The following ZMYND11 variants were observed in gnomAD, a reference collection of about 807,000 sequenced individuals.
The protein encoded by ZMYND11 is zinc finger MYND domain-containing protein 11.
In ZMYND11, 9 loss-of-function variants were observed where a neutral mutation model predicts 84.9. The ratio of observed to expected loss-of-function variants is 0.11; its 90% CI spans 0.06 to 0.18. The LOEUF (loss-of-function observed/expected upper bound fraction) is 0.18, where lower values mean the gene tolerates loss of function less well. ZMYND11 is among the 10% of genes least tolerant of loss of function. ZMYND11 has a pLI of 1.00. For synonymous variants in ZMYND11, 250 were observed against 244.1 expected (o/e 1.02, Z -0.23); for missense variants, 409 against 761.0 (o/e 0.54, Z 5.44).
intron 2 of ZMYND11, among the ~76,000 whole-genome samples, chr10:207,476 T>TTC (rs1421906220): frequency 2.6e-5 from 4 of 152,208 alleles, no homozygotes; most frequent in African/African-American, 9.7e-5. Flanking sequence ...GTGTTCCTGT[T>TTC]TCTCCACATC....
intron 2 of ZMYND11, among the ~76,000 whole-genome samples, chr10:185,499 A>C (rs1230561311): frequency 2.0e-5 from 3 of 148,968 alleles, no homozygotes; most frequent in Non-Finnish European, 4.5e-5. Context: ...TCTTTAAAAA[A>C]AAAAAAAAAA....
intron 1 of ZMYND11, among the ~76,000 whole-genome samples, chr10:162,336 A>ATT (rs1843108263): frequency 6.6e-6 from 1 of 152,216 alleles, no homozygotes; most frequent in Non-Finnish European, 1.5e-5. Flanking sequence ...GAAAAGTCTG[A>ATT]AATATTGTGA....
chr10:234,982 A>ATGTGTGTG (rs60483060), intron 4 of ZMYND11, among the ~76,000 whole-genome samples: 4,759 of 148,938 alleles, frequency 0.032, 78 homozygotes, highest in Non-Finnish European at 0.047. Flanking sequence ...TATTTCGCAA[A>ATGTGTGTG]TGTGTGTGTG....
Position 241,024 on chromosome 10 carries a change from T to C in ZMYND11, c.831+54T>C, listed in dbSNP as rs557552381. On this transcript the variant is annotated intron_variant, in intron 9 of 14. Coordinates refer to ENST00000381604, the MANE Select transcript of ZMYND11 (RefSeq NM_001370100.5). ...AACATACAGCTCTAAGGAAGTTTAT[T>C]TCCAGTTTGGTTAAAGATTATAATT... is the stretch of plus-strand genomic sequence containing the variant. The C allele has an allele frequency of 3.2e-5, 45 of 1,400,532 alleles. 1 individual carries two copies. The South Asian group carries it at 5.3e-4, about 16-fold the overall frequency. The allele number at this position is 1,400,532 out of a possible 1,614,324, so 86.8% of individuals were successfully genotyped here. A position where few individuals can be genotyped will look rare whatever the true frequency, so the allele number is the denominator to read the frequency against.
At chr10:247,328 T>C in intron 11 of ZMYND11, 70 bp from the exon 12 acceptor site, 1 of 1,537,898 alleles carries the variant, frequency 6.5e-7, no homozygotes, top group Non-Finnish European at 9.0e-7. Context: ...GTGGGTCCAC[T>C]ATGAGTGTTT....
intron 1 of ZMYND11, among the ~76,000 whole-genome samples, chr10:161,696 T>C (rs1554761913): frequency 6.6e-6 from 1 of 152,230 alleles, no homozygotes; most frequent in East Asian, 1.9e-4. Flanking sequence ...AATAACCTCA[T>C]GAATCTACCT....
intron 1 of ZMYND11, among the ~76,000 whole-genome samples, chr10:159,216 A>G (rs1398242949): frequency 1.3e-5 from 2 of 151,414 alleles, no homozygotes; most frequent in East Asian, 3.9e-4. Context: ...AGATAGGGCT[A>G]TGATAAATGA....
chr10:196,959 ACG>A (rs2131009332), intron 2 of ZMYND11, among the ~76,000 whole-genome samples: 1 of 152,276 alleles, frequency 6.6e-6, no homozygotes, highest in South Asian at 2.1e-4. Flanking sequence ...CTTTTAGTTC[ACG>A]TGTGTGCCCA....
intron 4 of ZMYND11, among the ~76,000 whole-genome samples, chr10:229,947 C>T (rs114333651): frequency 0.01 from 1,543 of 152,204 alleles, 23 homozygotes; most frequent in African/African-American, 0.035. Flanking sequence ...TTTTAAAAAG[C>T]TCCTAGATCT....
chr10:194,586 T>G (rs1014290426), intron 2 of ZMYND11, among the ~76,000 whole-genome samples: 1 of 152,226 alleles, frequency 6.6e-6, no homozygotes, highest in African/African-American at 2.4e-5. Context: ...CACCTGGTAT[T>G]GTCAGTTTTT....
At chr10:165,620 A>T (rs1286268862) in intron 1 of ZMYND11, among the ~76,000 whole-genome samples, 2 of 152,070 alleles carry the variant, frequency 1.3e-5, no homozygotes, top group East Asian at 3.9e-4. Flanking sequence ...CCAGTGTAAC[A>T]CCCTGGGAAA....
intron 2 of ZMYND11, among the ~76,000 whole-genome samples, chr10:203,716 A>G (rs1237187167): frequency 2.6e-5 from 4 of 152,176 alleles, no homozygotes; most frequent in Non-Finnish European, 5.9e-5. Flanking sequence ...TCGTCTAGCT[A>G]ATAGATACAA....
intron 1 of ZMYND11, among the ~76,000 whole-genome samples, chr10:164,543 T>C (rs1206551763): frequency 2.6e-5 from 4 of 152,180 alleles, no homozygotes; most frequent in Non-Finnish European, 5.9e-5. Context: ...ACCCATAGTA[T>C]AAAGAAAAAG....
chr10:241,992 T>C (rs1951060697), intron 9 of ZMYND11, 29 bp from the exon 10 acceptor site: 2 of 1,610,158 alleles, frequency 1.2e-6, no homozygotes, highest in Admixed American at 3.3e-5. Flanking sequence ...TTAAAAGTAA[T>C]ATAACAAGGT....
chr10:201,326 T>C (rs543976088), intron 2 of ZMYND11, among the ~76,000 whole-genome samples: 1 of 152,346 alleles, frequency 6.6e-6, no homozygotes, highest in East Asian at 1.9e-4. Context: ...CAGGCATTTG[T>C]TATGTTTTTC....
chr10:155,816 A>G (rs1249772411), intron 1 of ZMYND11, among the ~76,000 whole-genome samples: 2 of 152,176 alleles, frequency 1.3e-5, no homozygotes, highest in Non-Finnish European at 2.9e-5. Flanking sequence ...ACCATAACCA[A>G]AGAGGTCCTC....
In ZMYND11 at chr10:252,211, TA is replaced by T; in HGVS notation, c.1687-133del. 9.2e-7 allele frequency: 1 copy of T among 1,090,050 alleles called. No homozygotes were observed. The highest frequency in any genetic ancestry group is 1.3e-6 in the Non-Finnish European group (1 of 764,738). 67.5% of individuals were successfully genotyped at this position (1,090,050 alleles called of 1,614,324 possible). On this transcript the variant is annotated intron_variant, in intron 14 of 14. Transcript: ENST00000381604. This position sits in a 1 kb window ranked among gnomAD's most constrained non-coding sequence, Gnocchi z 4.6. ...GGGCTCCCTTTCCATCTGCTGTGCA[TA>T]AAACGTATTCAGATTCCACAAAAGG...
Position 212,761 on chromosome 10 carries a change from A to G in ZMYND11, c.276+2713A>G, listed in dbSNP as rs556539301. 1.0e-3 allele frequency among the ~76,000 whole-genome samples: 156 copies of G among 152,318 alleles called. 1 individual carries two copies. The highest frequency in any genetic ancestry group is 3.6e-3 in the African/African-American group (151 of 41,564). On this transcript the variant is annotated intron_variant, in intron 3 of 14. Coordinates refer to ENST00000381604, the MANE Select transcript of ZMYND11 (RefSeq NM_001370100.5). Reference sequence around the variant, plus strand: ...TGCTTACAACAAAAAACGCCTGTATATAATATAGTAAAAGCACATTAGTTT... The same window carrying G: ...TGCTTACAACAAAAAACGCCTGTATGTAATATAGTAAAAGCACATTAGTTT...
chr10:149,110 A>G (rs1450976585), intron 1 of ZMYND11, among the ~76,000 whole-genome samples: 1 of 151,974 alleles, frequency 6.6e-6, no homozygotes, highest in African/African-American at 2.4e-5. Context: ...GACTCATGGC[A>G]AGTAATTGAC....
Sources: allele counts gnomAD v4.1 joint callset (sites outside exome capture counted in the v4.1 genomes callset), GRCh38; gene constraint gnomAD v4.1.1; non-coding constraint Gnocchi (gnomAD v3.1); transcripts MANE v1.5; gene names NCBI Gene and HGNC (gene_info 2026-07-23, HGNC 2026-07-21).